SPICE1: variants seen among roughly 807,000 people sequenced by gnomAD.
SPICE1 encodes the protein spindle and centriole associated protein 1.
A neutral mutation model predicts 102.7 loss-of-function variants in SPICE1; 75 were observed. The ratio of observed to expected loss-of-function variants is 0.73; its 90% CI spans 0.61 to 0.88. The LOEUF (loss-of-function observed/expected upper bound fraction) is 0.88. SPICE1 is among the 40% of genes least tolerant of loss of function. The pLI, the probability that SPICE1 is intolerant of heterozygous loss-of-function variation, is 0.00. For missense variants in SPICE1, 979 were observed against 1,020.1 expected (o/e 0.96, Z 0.55); for synonymous variants, 308 against 350.3 (o/e 0.88, Z 1.35).
At position 113,455,450 on chromosome 3, in the gene SPICE1, A is replaced by C. The variant is rs9828998; in HGVS notation, c.1658-1500T>G. ...AATTTAAGTTAATTAAAATTAAATAAAATTTAAAATTCAGTTTCTCAGTCA... is the reference window on the plus strand; with the variant it reads ...AATTTAAGTTAATTAAAATTAAATACAATTTAAAATTCAGTTTCTCAGTCA... On this transcript the variant is annotated intron_variant, in intron 13 of 17. Coordinates refer to ENST00000295872, the MANE Select transcript of SPICE1 (RefSeq NM_144718.4). Among the ~76,000 whole-genome samples, 653 of 152,372 alleles carry C rather than the reference A, an allele frequency of 4.3e-3. 1 individual carries two copies. Among genetic ancestry groups the C allele is most frequent in the Non-Finnish European group, 7.1e-3 (481 of 68,032 alleles).
intron 9 of SPICE1, 150 bp from the exon 10 acceptor site, chr3:113,468,554 A>G (rs1351968542): frequency 8.9e-7 from 1 of 1,125,614 alleles, no homozygotes; most frequent in African/African-American, 1.6e-5. Context: ...AACAGTTTAA[A>G]CCAGATTTAC....
At chr3:113,493,499 A>G in intron 5 of SPICE1, among the ~76,000 whole-genome samples, 187 bp from the exon 6 acceptor site, 1 of 152,246 alleles carries the variant, frequency 6.6e-6, no homozygotes, top group African/African-American at 2.4e-5. Context: ...TTTTACTCTC[A>G]TAAAACCCTA....
At chr3:113,480,932 A>AAAGAAAGAAAG (rs750705808) in intron 7 of SPICE1, among the ~76,000 whole-genome samples, 46 of 62,618 alleles carry the variant, frequency 7.3e-4, no homozygotes, top group African/African-American at 2.3e-3. Flanking sequence ...AAGAAAGAAA[A>AAAGAAAGAAAG]AAGACCTCAG....
In SPICE1 at chr3:113,493,175, G is replaced by C. The variant is rs200317166; in HGVS notation, c.492+31C>G. 5.8e-5 allele frequency: 83 copies of C among 1,443,216 alleles called. 1 individual carries two copies. In the East Asian group the frequency reaches 1.7e-3, roughly 30 times the overall value. 89.4% of individuals were successfully genotyped at this position (1,443,216 alleles called of 1,614,324 possible). A position where few individuals can be genotyped will look rare whatever the true frequency, so the allele number is the denominator to read the frequency against. Reference sequence around the variant, plus strand: ...ATCAACTTAAACTTCCTTTCAGCATGAGTGTTATAGCTGTGAGTGGAACAC... The same window carrying C: ...ATCAACTTAAACTTCCTTTCAGCATCAGTGTTATAGCTGTGAGTGGAACAC... On this transcript the variant is annotated intron_variant, in intron 6 of 17. Coordinates refer to ENST00000295872, the MANE Select transcript of SPICE1 (RefSeq NM_144718.4).
Position 113,514,925 on chromosome 3 carries a change from T to C in SPICE1, c.-29A>G. The stretch of plus-strand genomic sequence containing the variant: ...CACTCTCAAAACACAGAGCCGCGGC[T>C]GCGCTTCCTGAAGTAAGGATTCCCC... On this transcript the variant is annotated 5_prime_UTR_variant, in exon 1 of 18. Coordinates refer to ENST00000295872, the MANE Select transcript of SPICE1 (RefSeq NM_144718.4). 8.9e-7 allele frequency: 1 copy of C among 1,117,330 alleles called. No homozygotes were observed. Among genetic ancestry groups the C allele is most frequent in the Non-Finnish European group, 1.1e-6 (1 of 884,052 alleles). 69.2% of individuals were successfully genotyped at this position (1,117,330 alleles called of 1,614,324 possible).
Position 113,515,026 on chromosome 3 carries a change from T to C in SPICE1, c.-130A>G. The C allele has an allele frequency of 3.4e-6, 1 of 297,578 alleles. No homozygotes were observed. Among genetic ancestry groups the C allele is most frequent in the Non-Finnish European group, 6.2e-6 (1 of 161,574 alleles). 18.4% of individuals were successfully genotyped at this position (297,578 alleles called of 1,614,324 possible). ...CCACCCTTTTGGTAGCCCTGGTCCC[T>C]AAGGCTCGTTGGGACTGCGAGCTGC... On this transcript the variant is annotated 5_prime_UTR_variant, in exon 1 of 18. An upstream open reading frame in the 5' UTR loses its in-frame stop. Coordinates refer to ENST00000295872, the MANE Select transcript of SPICE1 (RefSeq NM_144718.4).
chr3:113,450,701 C>T (rs556087664), intron 14 of SPICE1, among the ~76,000 whole-genome samples, 185 bp from the exon 15 acceptor site: 6 of 151,862 alleles, frequency 4.0e-5, no homozygotes, highest in South Asian at 4.2e-4. Flanking sequence ...CTCAGTCTCC[C>T]GAGTAGCTGG....
chr3:113,491,061 C>G lies in SPICE1; in HGVS notation c.493-1998G>C, dbSNP rs187167041. ...TCCACTCTTTAAAATCCTTCAGTGA[C>G]TCTACTTTTACTTTCCAGTCCTTAG... On this transcript the variant is annotated intron_variant, in intron 6 of 17. Coordinates refer to ENST00000295872, the MANE Select transcript of SPICE1 (RefSeq NM_144718.4). Among the ~76,000 whole-genome samples the G allele has an allele frequency of 1.3e-3, 191 of 152,292 alleles. 2 individuals are homozygous for G. The highest frequency in any genetic ancestry group is 0.012 in the Admixed American group (180 of 15,292).
At chr3:113,481,502 G>A (rs141044164) in intron 7 of SPICE1, among the ~76,000 whole-genome samples, 17 of 151,878 alleles carry the variant, frequency 1.1e-4, no homozygotes, top group African/African-American at 2.2e-4. Context: ...TCCCATAGTG[G>A]TTTGCTGCAC....
chr3:113,513,362 G>A (rs748354499), intron 1 of SPICE1, among the ~76,000 whole-genome samples: 8 of 152,168 alleles, frequency 5.3e-5, no homozygotes, highest in Non-Finnish European at 8.8e-5. Context: ...AGTGAGCTAC[G>A]ATGGCGCCCC....
At chr3:113,447,571 A>G (rs78801898) in intron 16 of SPICE1, among the ~76,000 whole-genome samples, 1,908 of 152,332 alleles carry the variant, frequency 0.013, 33 homozygotes, top group African/African-American at 0.035. Context: ...GTAGAAGAGT[A>G]ACACGACCTG....
intron 7 of SPICE1, among the ~76,000 whole-genome samples, chr3:113,478,439 T>C (rs1431253870): frequency 6.6e-6 from 1 of 152,074 alleles, no homozygotes; most frequent in African/African-American, 2.4e-5. Flanking sequence ...TTCCTGATAT[T>C]AGATGAAGTA....
intron 4 of SPICE1, among the ~76,000 whole-genome samples, chr3:113,497,963 G>A (rs137874919): frequency 0.017 from 2,506 of 150,560 alleles, 26 homozygotes; most frequent in Admixed American, 0.026. Context: ...TGCAACCTCC[G>A]CCTCCCAGGT....
intron 13 of SPICE1, 61 bp from the exon 14 acceptor site, chr3:113,454,011 C>T (rs1406872093): frequency 2.1e-6 from 3 of 1,414,466 alleles, no homozygotes; most frequent in Non-Finnish European, 9.4e-7. Flanking sequence ...TGGCACTATA[C>T]TCATTTCATT....
chr3:113,484,134 T>C (rs1936586861), intron 7 of SPICE1, among the ~76,000 whole-genome samples: 2 of 152,238 alleles, frequency 1.3e-5, no homozygotes, highest in Admixed American at 1.3e-4. Context: ...AATTTATCCA[T>C]TTCTTCTAGA....
chr3:113,461,210 T>C lies in SPICE1; in HGVS notation c.1288-446A>G, dbSNP rs1162021658. Among the ~76,000 whole-genome samples, 3 of 152,032 alleles carry C rather than the reference T, an allele frequency of 2.0e-5. No homozygotes were observed. In the East Asian group the frequency reaches 5.8e-4, roughly 29 times the overall value. On this transcript the variant is annotated intron_variant, in intron 11 of 17. Transcript: ENST00000295872. ...AACATGAACAGCACAAAATTCTGTA[T>C]GTAATTAATATAAATATTAATTACA...
chr3:113,503,248 TC>T, intron 2 of SPICE1, 21 bp from the exon 3 acceptor site: 1 of 1,552,464 alleles, frequency 6.4e-7, no homozygotes, highest in Non-Finnish European at 8.6e-7. Flanking sequence ...AGGTGGCCTT[TC>T]TTTAAAAAAA....
At chr3:113,481,789 G>A (rs1482010678) in intron 7 of SPICE1, among the ~76,000 whole-genome samples, 1 of 152,128 alleles carries the variant, frequency 6.6e-6, no homozygotes, top group Non-Finnish European at 1.5e-5. Flanking sequence ...CTATATATGT[G>A]CCACATTTTC....
chr3:113,474,931 T>A (rs1056838466), intron 7 of SPICE1, among the ~76,000 whole-genome samples: 1 of 151,718 alleles, frequency 6.6e-6, no homozygotes, highest in Non-Finnish European at 1.5e-5. Flanking sequence ...ATAACTAAAA[T>A]CAGAGCAGAA....
Sources: allele counts gnomAD v4.1 joint callset (sites outside exome capture counted in the v4.1 genomes callset), GRCh38; gene constraint gnomAD v4.1.1; transcripts MANE v1.5; gene names NCBI Gene and HGNC (gene_info 2026-07-23, HGNC 2026-07-21).